Variants in SPON1 observed in about 807,000 individuals in gnomAD.
The protein encoded by SPON1 is spondin-1.
SPON1 carries 52 observed loss-of-function variants against 111.7 expected under a neutral mutation model. The observed-to-expected ratio is 0.47, with a 90% CI of 0.37 to 0.59. SPON1 has a LOEUF of 0.59. SPON1 is among the 20% of genes least tolerant of loss of function. SPON1 has a pLI of 0.00. For synonymous variants in SPON1, 410 were observed against 395.8 expected, an observed-to-expected ratio of 1.04 and a Z score of -0.43; for missense variants, 957 against 1,068.5, an observed-to-expected ratio of 0.90 and a Z score of 1.46.
chr11:14,137,632 A>G (rs1307553875), intron 6 of SPON1, among the ~76,000 whole-genome samples: 4 of 152,216 alleles, frequency 2.6e-5, no homozygotes, highest in South Asian at 4.1e-4. Flanking sequence ...AAGCCCAGAC[A>G]GTACTAGACA....
At chr11:14,103,765 T>C (rs1554924628) in intron 5 of SPON1, among the ~76,000 whole-genome samples, 1 of 152,226 alleles carries the variant, frequency 6.6e-6, no homozygotes. Flanking sequence ...TGCTTGTTTG[T>C]TGTTCAATCT....
rs368498195 is a variant in SPON1, at chr11:14,262,910, G to C, written c.2195G>C (p.Arg732Thr). ...RNPSIQKLRWREARESRRSEQ... is the reference protein window; with the variant it reads ...RNPSIQKLRWTEARESRRSEQ... ...CCATCCATCCAAAAGCTACGCTGGAGGGAGGCCCGAGAGAGCCGGCGGAGT... is the reference window on the plus strand; with the variant it reads ...CCATCCATCCAAAAGCTACGCTGGACGGAGGCCCGAGAGAGCCGGCGGAGT... Residue 732 changes from arginine (R) to threonine (T), a missense_variant, in exon 15 of 16, where the codon AGG (arginine) becomes ACG (threonine). Arg to Thr is a moderately conservative substitution (Grantham distance 71). Coordinates refer to ENST00000576479, the MANE Select transcript of SPON1 (RefSeq NM_006108.4). 6.2e-7 allele frequency: 1 copy of C among 1,613,868 alleles called. No homozygotes were observed. Among genetic ancestry groups the C allele is most frequent in the Non-Finnish European group, 8.5e-7 (1 of 1,179,888 alleles).
chr11:14,248,958 T>A (rs1849023506), intron 7 of SPON1, among the ~76,000 whole-genome samples: 1 of 152,194 alleles, frequency 6.6e-6, no homozygotes, highest in Admixed American at 6.5e-5. Flanking sequence ...AAAACCCACA[T>A]CCTTTCCTAG....
At chr11:14,195,263 T>C (rs1215857618) in intron 6 of SPON1, among the ~76,000 whole-genome samples, 2 of 152,184 alleles carry the variant, frequency 1.3e-5, no homozygotes, top group Non-Finnish European at 2.9e-5. Context: ...GCAAAGCCCT[T>C]CATGAAGTCA....
intron 3 of SPON1, among the ~76,000 whole-genome samples, chr11:14,048,074 T>C (rs886969109): frequency 6.6e-6 from 1 of 152,094 alleles, no homozygotes; most frequent in Non-Finnish European, 1.5e-5. Flanking sequence ...ACCCTGTCTC[T>C]ACTACAAATA....
chr11:14,088,915 G>C (rs7113477), intron 5 of SPON1, among the ~76,000 whole-genome samples: 11,975 of 151,080 alleles, frequency 0.079, 574 homozygotes, highest in South Asian at 0.19. Flanking sequence ...TCTTCTGCTT[G>C]GTTTAGCTAT....
At chr11:14,119,257 T>C (rs1849287231) in intron 5 of SPON1, among the ~76,000 whole-genome samples, 1 of 151,966 alleles carries the variant, frequency 6.6e-6, no homozygotes, top group South Asian at 2.1e-4. Context: ...TAGAAGGTGA[T>C]AGAGGAAGCA....
At chr11:14,021,177 A>AT (rs1270668491) in intron 2 of SPON1, among the ~76,000 whole-genome samples, 2 of 152,124 alleles carry the variant, frequency 1.3e-5, no homozygotes, top group Admixed American at 6.5e-5. Context: ...TTAATGTCTT[A>AT]TTCACCTGGC....
At position 14,179,076 on chromosome 11, in the gene SPON1, GGT is replaced by G. The variant is rs538535167; in HGVS notation, c.825+43509_825+43510del. ...AGGAAAACAAAATTCAGGGTATGGT[GGT>G]CTCTATTTGTACTGATCTCCTTTTT... On this transcript the variant is annotated intron_variant, in intron 6 of 15. Coordinates refer to ENST00000576479, the MANE Select transcript of SPON1 (RefSeq NM_006108.4). 1.1e-4 allele frequency among the ~76,000 whole-genome samples: 17 copies of G among 152,236 alleles called. No individual in the cohort carries two copies. In the South Asian group the frequency reaches 1.9e-3, roughly 17 times the overall value.
At chr11:14,136,643 A>G (rs1360532496) in intron 6 of SPON1, among the ~76,000 whole-genome samples, 1 of 152,182 alleles carries the variant, frequency 6.6e-6, no homozygotes, top group Non-Finnish European at 1.5e-5. Context: ...CTCCTGCTAT[A>G]AATCCCCTGA....
intron 6 of SPON1, among the ~76,000 whole-genome samples, chr11:14,195,267 G>T (rs1448176055): frequency 1.3e-5 from 2 of 152,192 alleles, no homozygotes; most frequent in East Asian, 1.9e-4. Context: ...AGCCCTTCAT[G>T]AAGTCATATC....
chr11:14,104,347 C>T (rs1399771923), intron 5 of SPON1, among the ~76,000 whole-genome samples: 1 of 150,554 alleles, frequency 6.6e-6, no homozygotes, highest in Non-Finnish European at 1.5e-5. Context: ...TTTTTTTTCC[C>T]CTAGATGTTC....
At position 14,197,731 on chromosome 11, in the gene SPON1, G is replaced by T. The variant is rs1052144105; in HGVS notation, c.826-45601G>T. Among the ~76,000 whole-genome samples, 3 of 151,876 alleles carry T rather than the reference G, an allele frequency of 2.0e-5. No homozygotes were observed. In the East Asian group the frequency reaches 5.8e-4, roughly 29 times the overall value. On this transcript the variant is annotated intron_variant, in intron 6 of 15. Transcript: ENST00000576479. ...CTCGGGAGGCTGAGGCAGGAGAATCGCTTGAACCTGGAGGCAGAAGTTGCA... is the reference window on the plus strand; with the variant it reads ...CTCGGGAGGCTGAGGCAGGAGAATCTCTTGAACCTGGAGGCAGAAGTTGCA...
intron 5 of SPON1, among the ~76,000 whole-genome samples, chr11:14,115,664 C>G (rs1849261543): frequency 6.6e-6 from 1 of 151,968 alleles, no homozygotes; most frequent in Admixed American, 6.5e-5. Context: ...ATTTATCTAT[C>G]CTATTATGGA....
Position 14,259,703 on chromosome 11 carries a change from T to C in SPON1, c.1831+2T>C. The C allele has an allele frequency of 6.4e-7, 1 of 1,570,468 alleles. No homozygotes were observed. Among genetic ancestry groups the C allele is most frequent in the Non-Finnish European group, 8.6e-7 (1 of 1,158,074 alleles). On this transcript the variant is annotated splice_donor_variant, in intron 13 of 15. Transcript: ENST00000576479. LOFTEE classifies it high-confidence loss of function. This position sits in a 1 kb window ranked among gnomAD's most constrained non-coding sequence, Gnocchi z 5.0. ...AGAAGTGCATGATGCCAGAGTGCCG[T>C]GAGTGAGAGCGGGGGTGGACTTGGA...
chr11:14,240,043 G>A (rs1402210240), intron 6 of SPON1, among the ~76,000 whole-genome samples: 3 of 152,142 alleles, frequency 2.0e-5, no homozygotes, highest in Admixed American at 6.6e-5. Context: ...AAATAAATAC[G>A]TACATGAGTC....
intron 3 of SPON1, among the ~76,000 whole-genome samples, chr11:14,059,335 G>A (rs1554919589): frequency 6.6e-6 from 1 of 152,198 alleles, no homozygotes; most frequent in East Asian, 1.9e-4. Context: ...TTGGGTCAAG[G>A]TGAGCTGTTC....
chr11:14,241,587 G>C (rs914085050), intron 6 of SPON1, among the ~76,000 whole-genome samples: 10 of 152,102 alleles, frequency 6.6e-5, no homozygotes, highest in Non-Finnish European at 1.3e-4. Flanking sequence ...ACCCAGGCTG[G>C]GCTGCTGGAG....
intron 3 of SPON1, among the ~76,000 whole-genome samples, chr11:14,057,393 C>A (rs1554919277): frequency 6.6e-6 from 1 of 152,186 alleles, no homozygotes; most frequent in African/African-American, 2.4e-5. Flanking sequence ...GAGGAAGATT[C>A]TAGATTGAAG....
Sources: gnomAD v4.1 joint callset for allele counts (sites outside exome capture counted in the v4.1 genomes callset) on GRCh38, gnomAD v4.1.1 for gene constraint, Gnocchi (gnomAD v3.1) non-coding constraint, MANE v1.5 for transcripts, NCBI Gene and HGNC (gene_info 2026-07-23, HGNC 2026-07-21) for gene names.